Variants in CDH12 observed in about 807,000 individuals in gnomAD.
CDH12 encodes cadherin-12.
Under a neutral mutation model 74.1 loss-of-function variants are expected in CDH12, and 41 were observed. That is an observed-to-expected ratio of 0.55 (90% CI 0.43 to 0.72). The LOEUF (loss-of-function observed/expected upper bound fraction) is 0.72. CDH12 is among the 30% of genes least tolerant of loss of function. The probability of loss-of-function intolerance (pLI) is 0.00; values close to 1 mark genes in which losing one functional copy is unlikely to be tolerated. For synonymous variants in CDH12, 399 were observed against 355.0 expected, an observed-to-expected ratio of 1.12 and a Z score of -1.39; for missense variants, 945 against 977.2, an observed-to-expected ratio of 0.97 and a Z score of 0.44.
chr5:22,027,403 T>A (rs1437743728), intron 5 of CDH12, among the ~76,000 whole-genome samples: 1 of 152,206 alleles, frequency 6.6e-6, no homozygotes, highest in Non-Finnish European at 1.5e-5. Flanking sequence ...CAGTTCCTCC[T>A]TGTACCTCTG....
chr5:21,932,858 T>G (rs1157881888), intron 6 of CDH12, among the ~76,000 whole-genome samples: 1 of 150,980 alleles, frequency 6.6e-6, no homozygotes, highest in Non-Finnish European at 1.5e-5. Context: ...GATAAAATCA[T>G]GTACAATTTT....
Position 22,436,689 on chromosome 5 carries a change from T to C in CDH12, c.-427-31338A>G, listed in dbSNP as rs1369033876. The stretch of plus-strand genomic sequence containing the variant: ...TTTTCAAAGATTGAAGAACCATGAG[T>C]CCATGCTTTTAAGAAAAACAATATA... On this transcript the variant is annotated intron_variant, in intron 2 of 14. Transcript: ENST00000382254. 3.9e-5 allele frequency among the ~76,000 whole-genome samples: 6 copies of C among 152,050 alleles called. No homozygotes were observed. In the South Asian group the frequency reaches 1.2e-3, roughly 32 times the overall value.
intron 6 of CDH12, among the ~76,000 whole-genome samples, chr5:21,952,573 C>T (rs1305876796): frequency 6.6e-6 from 1 of 152,164 alleles, no homozygotes; most frequent in Non-Finnish European, 1.5e-5. Flanking sequence ...ATCATGACCT[C>T]TTTTGGAATG....
chr5:22,260,524 C>G (rs1432538028), intron 3 of CDH12, among the ~76,000 whole-genome samples: 1 of 151,982 alleles, frequency 6.6e-6, no homozygotes, highest in Non-Finnish European at 1.5e-5. Context: ...TAGCAAGTTG[C>G]ATTCTGAGAA....
At chr5:22,820,368 T>C (rs1319700739) in intron 1 of CDH12, among the ~76,000 whole-genome samples, 1 of 152,026 alleles carries the variant, frequency 6.6e-6, no homozygotes, top group Non-Finnish European at 1.5e-5. Flanking sequence ...GGTGATCAAA[T>C]CATGGGGTCT....
chr5:21,904,793 A>C (rs1034882156), intron 6 of CDH12, among the ~76,000 whole-genome samples: 1 of 151,868 alleles, frequency 6.6e-6, no homozygotes, highest in Non-Finnish European at 1.5e-5. Context: ...CAAACAAACA[A>C]ACAAAAAACA....
At chr5:21,817,558 GATAGATAT>G (rs1748130070) in intron 8 of CDH12, among the ~76,000 whole-genome samples, 1 of 151,768 alleles carries the variant, frequency 6.6e-6, no homozygotes, top group African/African-American at 2.4e-5. Flanking sequence ...ATAGATAGGT[GATAGATAT>G]ATAGATATAG....
At chr5:22,238,079 A>G (rs935607544) in intron 3 of CDH12, among the ~76,000 whole-genome samples, 4 of 152,178 alleles carry the variant, frequency 2.6e-5, no homozygotes, top group African/African-American at 9.6e-5. Context: ...ATCTTTCTTG[A>G]TTGACCCTGT....
chr5:21,905,916 T>C (rs991825410), intron 6 of CDH12, among the ~76,000 whole-genome samples: 2 of 152,152 alleles, frequency 1.3e-5, no homozygotes, highest in African/African-American at 4.8e-5. Flanking sequence ...TTTCTTCTGT[T>C]TGTTTCTAAA....
At chr5:22,293,110 T>C (rs1368830188) in intron 3 of CDH12, among the ~76,000 whole-genome samples, 1 of 152,156 alleles carries the variant, frequency 6.6e-6, no homozygotes, top group East Asian at 1.9e-4. Context: ...CTGTTCCTTA[T>C]TTGGCACCCT....
intron 2 of CDH12, among the ~76,000 whole-genome samples, chr5:22,419,400 T>C (rs1014745860): frequency 6.6e-6 from 1 of 152,064 alleles, no homozygotes; most frequent in Non-Finnish European, 1.5e-5. Flanking sequence ...TGGGAACATG[T>C]GGTATTAGGT....
intron 2 of CDH12, among the ~76,000 whole-genome samples, chr5:22,464,900 G>A (rs1745662487): frequency 1.3e-5 from 2 of 151,900 alleles, no homozygotes; most frequent in South Asian, 4.1e-4. Flanking sequence ...TACTTTGGTG[G>A]CTGAGATAGG....
At chr5:22,816,018 G>C (rs1413403045) in intron 1 of CDH12, among the ~76,000 whole-genome samples, 1 of 151,976 alleles carries the variant, frequency 6.6e-6, no homozygotes, top group Admixed American at 6.6e-5. Flanking sequence ...GGGCAGAAAG[G>C]GCAATGGCAA....
chr5:22,285,850 C>A lies in CDH12; in HGVS notation c.-332-73207G>T, dbSNP rs1032286644. Among the ~76,000 whole-genome samples the A allele has an allele frequency of 7.2e-5, 11 of 152,186 alleles. No individual in the cohort carries two copies. The South Asian group carries it at 1.2e-3, about 17-fold the overall frequency. On this transcript the variant is annotated intron_variant, in intron 3 of 14. Coordinates refer to ENST00000382254, the MANE Select transcript of CDH12 (RefSeq NM_004061.5). The stretch of plus-strand genomic sequence containing the variant: ...TTTACTGAGAGCCCCGTGTATCAGG[C>A]ATTCTTACTTCTGAGGATGAGGCAC...
chr5:22,369,247 A>C (rs1443623568), intron 3 of CDH12, among the ~76,000 whole-genome samples: 65 of 152,232 alleles, frequency 4.3e-4, no homozygotes, highest in Non-Finnish European at 1.5e-4. Context: ...ATTTTGCTTC[A>C]TACGCTAAAA....
intron 2 of CDH12, among the ~76,000 whole-genome samples, chr5:22,451,337 C>T (rs780366030): frequency 5.9e-5 from 9 of 151,928 alleles, no homozygotes; most frequent in Middle Eastern, 6.8e-3. Flanking sequence ...CAATAAATAT[C>T]TGCCCAGTTA....
intron 2 of CDH12, among the ~76,000 whole-genome samples, chr5:22,430,075 C>A (rs750116428): frequency 2.0e-5 from 3 of 152,158 alleles, no homozygotes; most frequent in Middle Eastern, 3.4e-3. Context: ...CTTTTATATA[C>A]CCCCTAAGAT....
At chr5:21,935,587 TACAA>T (rs1755040738) in intron 6 of CDH12, among the ~76,000 whole-genome samples, 1 of 152,210 alleles carries the variant, frequency 6.6e-6, no homozygotes, top group South Asian at 2.1e-4. Flanking sequence ...TCCTTTGTGT[TACAA>T]ACAATCTGAT....
intron 6 of CDH12, among the ~76,000 whole-genome samples, chr5:21,868,841 T>G (rs1486843333): frequency 6.6e-6 from 1 of 152,160 alleles, no homozygotes; most frequent in Non-Finnish European, 1.5e-5. Flanking sequence ...AGTTAAGACT[T>G]TAGGGGCTAC....
Sources: gnomAD v4.1 joint callset for allele counts (sites outside exome capture counted in the v4.1 genomes callset) on GRCh38, gnomAD v4.1.1 for gene constraint, MANE v1.5 for transcripts, NCBI Gene and HGNC (gene_info 2026-07-23, HGNC 2026-07-21) for gene names.